The following TBXAS1 variants were observed in gnomAD, a reference collection of about 807,000 sequenced individuals.
TBXAS1 encodes the protein thromboxane A synthase 1, also known as thromboxane-A synthase.
A neutral mutation model predicts 60.7 loss-of-function variants in TBXAS1; 48 were observed. That is an observed-to-expected ratio of 0.79 (90% CI 0.63 to 1.01). The LOEUF is 1.01. TBXAS1 is among the 50% of genes least tolerant of loss of function. The pLI is 0.00. For missense variants in TBXAS1, 685 were observed against 686.3 expected (o/e 1.00, Z 0.02); for synonymous variants, 287 against 269.7 (o/e 1.06, Z -0.63).
chr7:139,994,896 C>A (rs544975819), intron 9 of TBXAS1, among the ~76,000 whole-genome samples: 1 of 152,216 alleles, frequency 6.6e-6, no homozygotes. Context: ...CCCTCCCTTG[C>A]GGGCATCCCA....
chr7:139,999,393 G>A lies in TBXAS1; in HGVS notation c.1135-7698G>A, dbSNP rs1305314330. On this transcript the variant is annotated intron_variant, in intron 9 of 12. Coordinates refer to ENST00000448866, the MANE Select transcript of TBXAS1 (RefSeq NM_001061.7). The surrounding 1 kb of genome is among the most constrained non-coding windows in gnomAD (Gnocchi z 4.3). ...ACAATAACTACGTGGGCATGGTGGT[G>A]AGCGCCTGTAATTCCAGCTACTTGG... Among the ~76,000 whole-genome samples, 1 of 152,182 alleles carries A rather than the reference G, an allele frequency of 6.6e-6. No individual in the cohort carries two copies. Among genetic ancestry groups the A allele is most frequent in the Non-Finnish European group, 1.5e-5 (1 of 68,042 alleles).
At chr7:139,858,425 A>G (rs1800732712) in intron 1 of TBXAS1, among the ~76,000 whole-genome samples, 1 of 152,210 alleles carries the variant, frequency 6.6e-6, no homozygotes, top group Non-Finnish European at 1.5e-5. Context: ...GTCAGACAGA[A>G]GAGTGATCAA....
rs190060125 is a variant in TBXAS1 at position 139,981,144 on chromosome 7, G to A, written c.1134+18911G>A. Among the ~76,000 whole-genome samples the A allele has an allele frequency of 2.0e-5, 3 of 152,258 alleles. No homozygotes were observed. The East Asian group carries it at 5.8e-4, about 29-fold the overall frequency. On this transcript the variant is annotated intron_variant, in intron 9 of 12. Transcript: ENST00000448866. ...TATTTTTGAGACACAGTCTTGCTCT[G>A]TCACCCAGGCTGGAGTGCAGTGGCG...
At chr7:140,009,706 C>T (rs575261850) in intron 10 of TBXAS1, among the ~76,000 whole-genome samples, 8 of 97,332 alleles carry the variant, frequency 8.2e-5, no homozygotes, top group African/African-American at 1.7e-4. Flanking sequence ...GCCCCACACC[C>T]GCTCCACACC....
At chr7:139,822,587 C>T (rs1422074113) in intron 4 of TBXAS1, among the ~76,000 whole-genome samples, 1 of 152,176 alleles carries the variant, frequency 6.6e-6, no homozygotes, top group South Asian at 2.1e-4. Context: ...ACTGAAGCCA[C>T]GATAGCTTCC....
chr7:139,916,864 G>A lies in TBXAS1; in HGVS notation c.333+5543G>A, dbSNP rs1806026314. 6.6e-6 allele frequency among the ~76,000 whole-genome samples: 1 copy of A among 152,248 alleles called. No individual in the cohort carries two copies. Among genetic ancestry groups the A allele is most frequent in the Admixed American group, 6.5e-5 (1 of 15,286 alleles). ...CGCCTGCTGGCATCCATTGAGGAGA[G>A]AGGGGCCCTTGGCAGACTTGCCATA... On this transcript the variant is annotated intron_variant, in intron 4 of 12. Transcript: ENST00000448866. The surrounding 1 kb of genome is among the most constrained non-coding windows in gnomAD (Gnocchi z 4.2).
chr7:139,905,009 T>TTCTCTCTTTCTCTCTTTCTC (rs1205031561), intron 3 of TBXAS1, among the ~76,000 whole-genome samples: 1 of 63,896 alleles, frequency 1.6e-5, no homozygotes, highest in East Asian at 3.9e-4. Flanking sequence ...CTTTCTCTCT[T>TTCTCTCTTTCTCTCTTTCTC]TCTTTCTTTC....
intron 9 of TBXAS1, among the ~76,000 whole-genome samples, chr7:139,965,871 CTTCTT>C (rs1810748343): frequency 6.6e-6 from 1 of 150,960 alleles, no homozygotes; most frequent in Non-Finnish European, 1.5e-5. Context: ...TCTTTCTTTC[CTTCTT>C]TTATTTTTTT....
intron 5 of TBXAS1, among the ~76,000 whole-genome samples, chr7:139,939,233 A>G (rs1808067118): frequency 6.6e-6 from 1 of 151,990 alleles, no homozygotes; most frequent in South Asian, 2.1e-4. Context: ...GTGTGGTGGC[A>G]GGCACCTGTA....
At position 139,896,143 on chromosome 7, in the gene TBXAS1, T is replaced by G. The variant is rs546847217; in HGVS notation, c.237-15082T>G. 6.6e-6 allele frequency among the ~76,000 whole-genome samples: 1 copy of G among 152,292 alleles called. No homozygotes were observed. Among genetic ancestry groups the G allele is most frequent in the East Asian group, 1.9e-4 (1 of 5,172 alleles). On this transcript the variant is annotated intron_variant, in intron 3 of 12. Transcript: ENST00000448866. This position sits in a 1 kb window ranked among gnomAD's most constrained non-coding sequence, Gnocchi z 4.0. ...CTTAAGGGTGAGGCGCTCTGCTAGC[T>G]TCTCAGGGATGCACGGACAGATAAG...
chr7:140,005,521 G>A (rs1814008149), intron 9 of TBXAS1, among the ~76,000 whole-genome samples: 1 of 152,184 alleles, frequency 6.6e-6, no homozygotes, highest in Non-Finnish European at 1.5e-5. Context: ...CTTTTCATTG[G>A]TCACTTGCTC....
At chr7:139,807,977 GT>G (rs1265754656) in intron 4 of TBXAS1, among the ~76,000 whole-genome samples, 4 of 152,118 alleles carry the variant, frequency 2.6e-5, no homozygotes, top group African/African-American at 4.8e-5. Flanking sequence ...GTGGAGTTGG[GT>G]AGAGATGTTC....
intron 4 of TBXAS1, among the ~76,000 whole-genome samples, chr7:139,806,421 C>G (rs2116379967): frequency 6.6e-6 from 1 of 151,364 alleles, no homozygotes; most frequent in Admixed American, 6.6e-5. Flanking sequence ...CTCTACCATA[C>G]CCAGCTAATT....
chr7:139,986,807 A>ATAT (rs1447597289), intron 9 of TBXAS1, among the ~76,000 whole-genome samples: 1 of 39,280 alleles, frequency 2.5e-5, no homozygotes, highest in Non-Finnish European at 4.8e-5. Flanking sequence ...GTGTATATAT[A>ATAT]TATATATATA....
At chr7:139,792,707 C>T (rs757260398) in intron 4 of TBXAS1, among the ~76,000 whole-genome samples, 5 of 152,146 alleles carry the variant, frequency 3.3e-5, no homozygotes, top group South Asian at 2.1e-4. Flanking sequence ...ACTGAGTTTG[C>T]TTTTCATTGG....
Position 139,896,251 on chromosome 7 carries a change from G to A in TBXAS1, c.237-14974G>A, listed in dbSNP as rs1159937196. 6.6e-6 allele frequency among the ~76,000 whole-genome samples: 1 copy of A among 152,154 alleles called. No homozygotes were observed. The highest frequency in any genetic ancestry group is 1.5e-5 in the Non-Finnish European group (1 of 68,046). ...GGTGATGCAGGTCAGTAGAGGAAAG[G>A]ACCAGGTGCCACAGAAACTACAAGG... On this transcript the variant is annotated intron_variant, in intron 3 of 12. Coordinates refer to ENST00000448866, the MANE Select transcript of TBXAS1 (RefSeq NM_001061.7). This position sits in a 1 kb window ranked among gnomAD's most constrained non-coding sequence, Gnocchi z 4.0.
chr7:139,953,371 G>T lies in TBXAS1; in HGVS notation c.454G>T (p.Val152Phe). 1.9e-6 allele frequency: 3 copies of T among 1,613,768 alleles called. No individual in the cohort carries two copies. The highest frequency in any genetic ancestry group is 2.5e-6 in the Non-Finnish European group (3 of 1,179,672). The part of the protein sequence containing the change: ...AFSPEKLNEM[V>F]PLISQACDLL... ...CACCTTTGTTATCCATTATCAGATG[G>T]TTCCCCTCATCAGCCAAGCCTGCGA... Residue 152 changes from valine (V) to phenylalanine (F), a missense_variant, in exon 6 of 13, where the codon GTT (valine) becomes TTT (phenylalanine). Val to Phe is a conservative substitution (Grantham distance 50). Transcript: ENST00000448866.
At chr7:139,938,525 AC>A (rs1197228645) in intron 5 of TBXAS1, among the ~76,000 whole-genome samples, 8 of 152,204 alleles carry the variant, frequency 5.3e-5, no homozygotes, top group African/African-American at 1.9e-4. Context: ...TTGAGGATTC[AC>A]AGGAGAATGT....
At position 139,932,365 on chromosome 7, in the gene TBXAS1, A is replaced by G. The variant is rs74623284; in HGVS notation, c.334-3826A>G. ...CCCTCTGCATGCTCAAGCCTTGGGT[A>G]CAGGATTTCTAAGAAGTGGAACAGT... On this transcript the variant is annotated intron_variant, in intron 4 of 12. Transcript: ENST00000448866. 7.1e-3 allele frequency among the ~76,000 whole-genome samples: 1,074 copies of G among 152,218 alleles called. 14 individuals are homozygous for G. The highest frequency in any genetic ancestry group is 0.025 in the African/African-American group (1,024 of 41,540).
Sources: gnomAD v4.1 joint callset for allele counts (sites outside exome capture counted in the v4.1 genomes callset) on GRCh38, gnomAD v4.1.1 for gene constraint, Gnocchi (gnomAD v3.1) non-coding constraint, MANE v1.5 for transcripts, NCBI Gene and HGNC (gene_info 2026-07-23, HGNC 2026-07-21) for gene names.